The following ACACA variants were observed in gnomAD, a reference collection of about 807,000 sequenced individuals.
ACACA encodes the protein acetyl-CoA carboxylase 1.
A neutral mutation model predicts 296.1 loss-of-function variants in ACACA; 103 were observed. The observed-to-expected ratio is 0.35, with a 90% CI of 0.30 to 0.41. The LOEUF (loss-of-function observed/expected upper bound fraction) is 0.41. Among genes scored for constraint, ACACA ranks in the 10% least tolerant of loss-of-function variants. ACACA has a pLI of 1.00. For missense variants in ACACA, 1,554 were observed against 2,989.7 expected (o/e 0.52, Z 11.20); for synonymous variants, 953 against 1,038.6 (o/e 0.92, Z 1.58).
intron 1 of ACACA, among the ~76,000 whole-genome samples, chr17:37,368,271 C>CA (rs1438336675): frequency 6.2e-5 from 9 of 145,694 alleles, no homozygotes; most frequent in African/African-American, 2.3e-4. Flanking sequence ...GACTCCGTCT[C>CA]AAAAAATAAA....
At chr17:37,375,791 T>C in intron 1 of ACACA, among the ~76,000 whole-genome samples, 1 of 152,224 alleles carries the variant, frequency 6.6e-6, no homozygotes, top group Non-Finnish European at 1.5e-5. Flanking sequence ...AGCATATCAA[T>C]GGGCGTTTAT....
At position 37,182,319 on chromosome 17, in the gene ACACA, ACC is replaced by A. The variant is rs529671178; in HGVS notation, c.4777-965_4777-964del. On this transcript the variant is annotated intron_variant, in intron 39 of 55. Transcript: ENST00000616317. ...CTCATATTTTACATATAGTAAAATA[ACC>A]ATATTATATTAAATTATGTATATTA... 3.9e-3 allele frequency among the ~76,000 whole-genome samples: 592 copies of A among 152,014 alleles called. 3 individuals are homozygous for A. Among genetic ancestry groups the A allele is most frequent in the South Asian group, 0.033 (159 of 4,824 alleles).
Position 37,152,085 on chromosome 17 carries a change from G to A in ACACA, c.5448-664C>T, listed in dbSNP as rs547524745. Among the ~76,000 whole-genome samples the A allele has an allele frequency of 4.2e-4, 64 of 152,116 alleles. 1 individual carries two copies. Among genetic ancestry groups the A allele is most frequent in the Non-Finnish European group, 5.6e-4 (38 of 67,994 alleles). On this transcript the variant is annotated intron_variant, in intron 43 of 55. Coordinates refer to ENST00000616317, the MANE Select transcript of ACACA (RefSeq NM_198834.3). ...GCTGGGATTACAGGTGTGAGCCACC[G>A]CGCCCGGCCAAGCAGATAGATTTAA...
chr17:37,343,097 C>T (rs1021220438), intron 1 of ACACA, among the ~76,000 whole-genome samples: 1 of 152,066 alleles, frequency 6.6e-6, no homozygotes, highest in African/African-American at 2.4e-5. Context: ...CCTGCCTCAG[C>T]CTTCCGAGTA....
At chr17:37,116,095 C>T (rs2074236412) in intron 50 of ACACA, among the ~76,000 whole-genome samples, 1 of 151,970 alleles carries the variant, frequency 6.6e-6, no homozygotes, top group South Asian at 2.1e-4. Flanking sequence ...TGGGTTCAGA[C>T]GATCCTCCTC....
chr17:37,128,687 C>T (rs2074945065), intron 47 of ACACA, among the ~76,000 whole-genome samples: 1 of 152,138 alleles, frequency 6.6e-6, no homozygotes, highest in Non-Finnish European at 1.5e-5. Context: ...CTTCTTTTTC[C>T]TGTTTTGTTT....
chr17:37,226,322 C>T lies in ACACA; in HGVS notation c.3360+17G>A. Reference sequence around the variant, plus strand: ...GAAAGCCATCCCTCCTTTAAGAAAACCAACAAATGTCCTTACCTGGCGTGC... The same window carrying T: ...GAAAGCCATCCCTCCTTTAAGAAAATCAACAAATGTCCTTACCTGGCGTGC... On this transcript the variant is annotated intron_variant, in intron 26 of 55. Transcript: ENST00000616317. 6.2e-7 allele frequency: 1 copy of T among 1,601,106 alleles called. No homozygotes were observed. The highest frequency in any genetic ancestry group is 1.1e-5 in the South Asian group (1 of 90,792).
At chr17:37,266,114 T>G (rs1020650988) in intron 10 of ACACA, among the ~76,000 whole-genome samples, 1 of 152,146 alleles carries the variant, frequency 6.6e-6, no homozygotes, top group African/African-American at 2.4e-5. Context: ...TGTGAGACAG[T>G]ACCCTTAAGA....
At chr17:37,180,416 T>C (rs1053927199) in intron 40 of ACACA, among the ~76,000 whole-genome samples, 2 of 152,208 alleles carry the variant, frequency 1.3e-5, no homozygotes, top group Non-Finnish European at 2.9e-5. Flanking sequence ...ATTACTTTAC[T>C]AAAATTCAAA....
intron 2 of ACACA, among the ~76,000 whole-genome samples, chr17:37,334,383 T>TCCAC (rs1239009508): frequency 1.3e-5 from 2 of 152,134 alleles, no homozygotes; most frequent in East Asian, 1.9e-4. Flanking sequence ...AAGGAACTAT[T>TCCAC]CCACCCTGGT....
intron 1 of ACACA, among the ~76,000 whole-genome samples, chr17:37,362,585 G>A (rs1419404952): frequency 6.6e-6 from 1 of 152,180 alleles, no homozygotes; most frequent in African/African-American, 2.4e-5. Flanking sequence ...ATGCGCCACT[G>A]TCCAGACAGC....
chr17:37,373,543 G>A (rs540229400), intron 1 of ACACA, among the ~76,000 whole-genome samples: 47 of 148,024 alleles, frequency 3.2e-4, no homozygotes, highest in African/African-American at 1.1e-3. Flanking sequence ...ACCGTGCCTG[G>A]CCCAGGCTGA....
chr17:37,126,058 CAG>C (rs982375047), intron 47 of ACACA, among the ~76,000 whole-genome samples: 7 of 152,192 alleles, frequency 4.6e-5, no homozygotes, highest in African/African-American at 9.7e-5. Context: ...GTTTAGCTAG[CAG>C]AGAGAGTTTG....
intron 52 of ACACA, among the ~76,000 whole-genome samples, chr17:37,101,398 G>T (rs1453551975): frequency 1.3e-5 from 2 of 152,148 alleles, no homozygotes; most frequent in Non-Finnish European, 2.9e-5. Flanking sequence ...ACCATTCTAA[G>T]TGCTTTATAT....
At chr17:37,094,315 T>A (rs1272961078) in intron 54 of ACACA, among the ~76,000 whole-genome samples, 6 of 152,184 alleles carry the variant, frequency 3.9e-5, no homozygotes. Context: ...CTCAGTTATA[T>A]AATATCACCG....
chr17:37,381,803 A>AT (rs752238693), intron 1 of ACACA, among the ~76,000 whole-genome samples: 15 of 151,260 alleles, frequency 9.9e-5, no homozygotes, highest in African/African-American at 2.2e-4. Context: ...AATTTTTTGT[A>AT]TTTTTGGTAG....
intron 1 of ACACA, chr17:37,377,843 CCCCGGTT>C: frequency 1.3e-6 from 2 of 1,533,118 alleles, no homozygotes; most frequent in Non-Finnish European, 1.8e-6. Flanking sequence ...CCCAAACCTT[CCCCGGTT>C]CCCCTCCTCC....
At chr17:37,177,079 G>T (rs1227873855) in intron 41 of ACACA, among the ~76,000 whole-genome samples, 1 of 152,102 alleles carries the variant, frequency 6.6e-6, no homozygotes, top group Non-Finnish European at 1.5e-5. Context: ...AAAATCTTTT[G>T]AAGAAATACT....
chr17:37,350,892 G>T (rs540877629), intron 1 of ACACA, among the ~76,000 whole-genome samples: 1 of 152,308 alleles, frequency 6.6e-6, no homozygotes, highest in Admixed American at 6.5e-5. Flanking sequence ...CAACACTCTG[G>T]GAGGCCGAGG....
Sources: allele counts gnomAD v4.1 joint callset (sites outside exome capture counted in the v4.1 genomes callset), GRCh38; gene constraint gnomAD v4.1.1; transcripts MANE v1.5; gene names NCBI Gene and HGNC (gene_info 2026-07-23, HGNC 2026-07-21).